Variants in WBP1L observed in about 807,000 individuals in gnomAD.
The protein encoded by WBP1L is WW domain binding protein 1 like.
In WBP1L, 17 loss-of-function variants were observed where a neutral mutation model predicts 33.7. That is an observed-to-expected ratio of 0.50 (90% CI 0.34 to 0.76). The LOEUF (loss-of-function observed/expected upper bound fraction) is 0.76, where lower values mean the gene tolerates loss of function less well. Ranked by LOEUF, WBP1L falls within the 30% of genes least tolerant of loss-of-function variation. The probability of loss-of-function intolerance (pLI) is 0.01; values close to 1 mark genes in which losing one functional copy is unlikely to be tolerated. For synonymous variants in WBP1L, 173 were observed against 190.8 expected, an observed-to-expected ratio of 0.91 and a Z score of 0.77; for missense variants, 389 against 469.4, an observed-to-expected ratio of 0.83 and a Z score of 1.58.
intron 1 of WBP1L, among the ~76,000 whole-genome samples, chr10:102,750,764 G>T (rs895372151): frequency 2.0e-5 from 3 of 152,008 alleles, no homozygotes; most frequent in Non-Finnish European, 4.4e-5. Context: ...GCCTCCCAAA[G>T]TTCTAGAATT....
rs1056093380 is a variant in WBP1L, at chr10:102,749,711, C to T, written c.90+5568C>T. Among the ~76,000 whole-genome samples the T allele has an allele frequency of 9.2e-5, 14 of 152,256 alleles. No homozygotes were observed. The South Asian group carries it at 2.1e-3, about 23-fold the overall frequency. On this transcript the variant is annotated intron_variant, in intron 1 of 3. Transcript: ENST00000448841. ...TCCTTGGCTCAAGTGATTTTCCTGC[C>T]TCAGCCTCCCAAAGTGCTGGGATTG...
chr10:102,758,449 A>G (rs192560834), intron 1 of WBP1L, among the ~76,000 whole-genome samples: 2 of 152,308 alleles, frequency 1.3e-5, no homozygotes, highest in East Asian at 3.9e-4. Context: ...TGGACATTTC[A>G]TATGAATGGA....
intron 1 of WBP1L, among the ~76,000 whole-genome samples, chr10:102,774,464 A>G (rs1373901370): frequency 6.6e-6 from 1 of 152,178 alleles, no homozygotes. Context: ...AGTGAGTCTC[A>G]AGGAAATGGT....
chr10:102,747,503 T>C (rs954096378), intron 1 of WBP1L, among the ~76,000 whole-genome samples: 2 of 152,000 alleles, frequency 1.3e-5, no homozygotes, highest in African/African-American at 2.4e-5. Flanking sequence ...TTAACCAGAA[T>C]GTTTGTTTTT....
intron 2 of WBP1L, among the ~76,000 whole-genome samples, chr10:102,799,620 A>G (rs1801486291): frequency 6.6e-6 from 1 of 152,124 alleles, no homozygotes; most frequent in Admixed American, 6.5e-5. Flanking sequence ...TTGTCTCTTG[A>G]GAAAGGAGAC....
intron 1 of WBP1L, among the ~76,000 whole-genome samples, chr10:102,766,570 C>G (rs1486903848): frequency 6.6e-6 from 1 of 151,616 alleles, no homozygotes; most frequent in African/African-American, 2.4e-5. Context: ...CTACAGTGAG[C>G]CATGATCGCA....
intron 1 of WBP1L, among the ~76,000 whole-genome samples, chr10:102,780,593 T>C (rs1271209296): frequency 6.6e-6 from 1 of 152,224 alleles, no homozygotes; most frequent in African/African-American, 2.4e-5. Context: ...ATGTTGTGGA[T>C]ACAAAGAGGT....
In WBP1L at chr10:102,744,048, A is replaced by AG; in HGVS notation, c.-1dup. 6.5e-7 allele frequency: 1 copy of AG among 1,547,080 alleles called. No homozygotes were observed. The highest frequency in any genetic ancestry group is 8.7e-7 in the Non-Finnish European group (1 of 1,144,748). On this transcript the variant is annotated 5_prime_UTR_variant, in exon 1 of 4. Transcript: ENST00000448841. ...GCCGTGGCGGAGGAGCAGGAGCAGG[A>AG]GGGGGATGGAGAGGAGAAGGCTCCT...
chr10:102,763,970 C>T lies in WBP1L; in HGVS notation c.90+19827C>T, dbSNP rs147115323. Among the ~76,000 whole-genome samples the T allele has an allele frequency of 2.5e-3, 383 of 152,260 alleles. 3 individuals carry two copies. The highest frequency in any genetic ancestry group is 8.8e-3 in the African/African-American group (367 of 41,552). On this transcript the variant is annotated intron_variant, in intron 1 of 3. Coordinates refer to ENST00000448841, the MANE Select transcript of WBP1L (RefSeq NM_001083913.2). ...CTGGGACTATAGGTGTGCGCCACCA[C>T]GCCCGGCTAATTTTCGTATTTTTGG...
chr10:102,776,303 C>G (rs946504939), intron 1 of WBP1L: 2 of 1,612,552 alleles, frequency 1.2e-6, no homozygotes, highest in Non-Finnish European at 1.7e-6. Context: ...ACCGCACACA[C>G]AGGCCCACCA....
At chr10:102,747,032 G>A (rs1294594650) in intron 1 of WBP1L, among the ~76,000 whole-genome samples, 2 of 152,126 alleles carry the variant, frequency 1.3e-5, no homozygotes, top group African/African-American at 4.8e-5. Context: ...TACAGGTTAT[G>A]ACATTACAAC....
At position 102,781,861 on chromosome 10, in the gene WBP1L, A is replaced by AT. The variant is rs200072538; in HGVS notation, c.91-16124dup. ...TGCTTACGCAAGCCCTTTCAGGTTA[A>AT]TTTTTTTTGGGGGGGGTGGGGGGAG... On this transcript the variant is annotated intron_variant, in intron 1 of 3. Coordinates refer to ENST00000448841, the MANE Select transcript of WBP1L (RefSeq NM_001083913.2). Among the ~76,000 whole-genome samples the AT allele has an allele frequency of 8.6e-4, 108 of 126,098 alleles. 1 individual carries two copies. Among genetic ancestry groups the AT allele is most frequent in the African/African-American group, 2.0e-3 (65 of 32,024 alleles). 82.7% of individuals were successfully genotyped at this position (126,098 alleles called of 152,430 possible). A position where few individuals can be genotyped will look rare whatever the true frequency, so the allele number is the denominator to read the frequency against.
chr10:102,788,210 C>G (rs1423156358), intron 1 of WBP1L, among the ~76,000 whole-genome samples: 1 of 150,388 alleles, frequency 6.6e-6, no homozygotes, highest in Non-Finnish European at 1.5e-5. Flanking sequence ...CTCACTGCAA[C>G]CTCTGCCTCC....
Position 102,792,475 on chromosome 10 carries a change from C to T in WBP1L, c.91-5518C>T, listed in dbSNP as rs562792803. Among the ~76,000 whole-genome samples the T allele has an allele frequency of 1.8e-4, 28 of 152,246 alleles. No individual in the cohort carries two copies. The East Asian group carries it at 4.6e-3, about 25-fold the overall frequency. ...TACAGAGTGGTCCCCACCTACCTAA[C>T]TTTCCTATCTACTACTTCTACCATC... On this transcript the variant is annotated intron_variant, in intron 1 of 3. Coordinates refer to ENST00000448841, the MANE Select transcript of WBP1L (RefSeq NM_001083913.2).
intron 1 of WBP1L, among the ~76,000 whole-genome samples, chr10:102,762,988 T>G (rs748068009): frequency 3.6e-4 from 55 of 152,080 alleles, no homozygotes; most frequent in Non-Finnish European, 6.0e-4. Flanking sequence ...AAGGATCACT[T>G]GAGCCCAGGA....
intron 2 of WBP1L, among the ~76,000 whole-genome samples, chr10:102,809,411 G>A (rs1843793328): frequency 1.4e-5 from 2 of 146,730 alleles, no homozygotes; most frequent in South Asian, 2.2e-4. Context: ...TTGCTCTGTC[G>A]CCCAGGCTGG....
chr10:102,757,732 ATGCCCAG>A (rs1477641597), intron 1 of WBP1L, among the ~76,000 whole-genome samples: 1 of 151,220 alleles, frequency 6.6e-6, no homozygotes, highest in Admixed American at 6.6e-5. Flanking sequence ...GTGCACCATT[ATGCCCAG>A]CTAATATTTG....
Position 102,813,463 on chromosome 10 carries a change from T to C in WBP1L, c.*132T>C. 1 of 1,249,636 alleles carries C rather than the reference T, an allele frequency of 8.0e-7. No homozygotes were observed. The highest frequency in any genetic ancestry group is 1.1e-6 in the Non-Finnish European group (1 of 929,058). The allele number at this position is 1,249,636 out of a possible 1,614,324, so 77.4% of individuals were successfully genotyped here. On this transcript the variant is annotated 3_prime_UTR_variant, in exon 4 of 4. Coordinates refer to ENST00000448841, the MANE Select transcript of WBP1L (RefSeq NM_001083913.2). ...GGTTCCTTTTTGTTTGTTTTCCTTC[T>C]CCTCTCCTGCATTTTCCTCCATCTC...
chr10:102,769,414 G>A (rs1457332553), intron 1 of WBP1L, among the ~76,000 whole-genome samples: 1 of 146,068 alleles, frequency 6.8e-6, no homozygotes, highest in Non-Finnish European at 1.5e-5. Flanking sequence ...TCTTCTTTGA[G>A]CTCCTCTTGT....
Sources: allele counts gnomAD v4.1 joint callset (sites outside exome capture counted in the v4.1 genomes callset), GRCh38; gene constraint gnomAD v4.1.1; transcripts MANE v1.5; gene names NCBI Gene and HGNC (gene_info 2026-07-23, HGNC 2026-07-21).